The following EFCAB6 variants were observed in gnomAD, a reference collection of about 807,000 sequenced individuals.
EFCAB6 encodes the protein EF-hand calcium-binding domain-containing protein 6.
A neutral mutation model predicts 169.8 loss-of-function variants in EFCAB6; 156 were observed. That is an observed-to-expected ratio of 0.92 (90% CI 0.81 to 1.05). The LOEUF is 1.05. EFCAB6 is among the 50% of genes least tolerant of loss of function. The pLI, the probability that EFCAB6 is intolerant of heterozygous loss-of-function variation, is 0.00. For synonymous variants in EFCAB6, 698 were observed against 676.4 expected (o/e 1.03, Z -0.50); for missense variants, 1,800 against 1,829.1 (o/e 0.98, Z 0.29).
chr22:43,795,503 C>T lies in EFCAB6; in HGVS notation c.-7-13178G>A, dbSNP rs547209217. ...CGGCCCCATGGGTCCCTCGGCCCTG[C>T]TCCACCCCAGCCGATTCCTCTGCCT... On this transcript the variant is annotated intron_variant, in intron 2 of 31. Transcript: ENST00000262726. This position sits in a 1 kb window ranked among gnomAD's most constrained non-coding sequence, Gnocchi z 4.2. Among the ~76,000 whole-genome samples, 1 of 152,222 alleles carries T rather than the reference C, an allele frequency of 6.6e-6. No individual in the cohort carries two copies. The highest frequency in any genetic ancestry group is 2.4e-5 in the African/African-American group (1 of 41,530).
intron 27 of EFCAB6, among the ~76,000 whole-genome samples, chr22:43,550,357 G>C (rs2048310628): frequency 6.6e-6 from 1 of 152,146 alleles, no homozygotes; most frequent in Non-Finnish European, 1.5e-5. Flanking sequence ...AGGGGTGTCT[G>C]TTTTAGAAAT....
chr22:43,612,879 G>A (rs1000642579), intron 21 of EFCAB6, among the ~76,000 whole-genome samples: 1 of 149,808 alleles, frequency 6.7e-6, no homozygotes, highest in Non-Finnish European at 1.5e-5. Context: ...GGCAGACAGA[G>A]TGAGACTCCA....
At chr22:43,565,921 T>C (rs2049391699) in intron 26 of EFCAB6, among the ~76,000 whole-genome samples, 1 of 152,040 alleles carries the variant, frequency 6.6e-6, no homozygotes, top group African/African-American at 2.4e-5. Flanking sequence ...ATATTTTGAT[T>C]AGCAAAGAAA....
At chr22:43,726,423 A>G (rs1463774393) in intron 8 of EFCAB6, among the ~76,000 whole-genome samples, 1 of 152,228 alleles carries the variant, frequency 6.6e-6, no homozygotes, top group African/African-American at 2.4e-5. Context: ...TGGGCAAAAT[A>G]TAAACAGAAA....
chr22:43,561,243 G>C (rs1347669431), intron 26 of EFCAB6, among the ~76,000 whole-genome samples: 1 of 151,894 alleles, frequency 6.6e-6, no homozygotes, highest in Non-Finnish European at 1.5e-5. Flanking sequence ...TGTAGTCCCA[G>C]CTACTCAGGG....
intron 4 of EFCAB6, 75 bp downstream of exon 4, chr22:43,772,817 G>A: frequency 6.5e-7 from 1 of 1,533,618 alleles, no homozygotes; most frequent in Non-Finnish European, 8.9e-7. Context: ...AAAGACAGGA[G>A]AGGTTACCTG....
intron 9 of EFCAB6, among the ~76,000 whole-genome samples, chr22:43,714,023 C>A (rs1017555084): frequency 1.3e-5 from 2 of 151,922 alleles, no homozygotes; most frequent in African/African-American, 4.8e-5. Flanking sequence ...ATTAGAAAAT[C>A]AATTAATTGA....
At chr22:43,580,163 C>T (rs2050626588) in intron 25 of EFCAB6, among the ~76,000 whole-genome samples, 1 of 152,276 alleles carries the variant, frequency 6.6e-6, no homozygotes, top group South Asian at 2.1e-4. Context: ...GCGTTGAGAG[C>T]TCCCAGGATG....
At chr22:43,689,766 T>C (rs2058337966) in intron 10 of EFCAB6, among the ~76,000 whole-genome samples, 1 of 152,224 alleles carries the variant, frequency 6.6e-6, no homozygotes, top group Non-Finnish European at 1.5e-5. Flanking sequence ...GCTGCCATCA[T>C]GCCACCTCTA....
chr22:43,790,216 A>G (rs2062233963), intron 2 of EFCAB6, among the ~76,000 whole-genome samples: 1 of 152,174 alleles, frequency 6.6e-6, no homozygotes, highest in South Asian at 2.1e-4. Context: ...CATGGCTTAT[A>G]CCATAAGAGC....
rs548970184 is a variant in EFCAB6, at chr22:43,683,821, T to C, written c.1177A>G (p.Ile393Val). The C allele has an allele frequency of 1.9e-6, 3 of 1,613,516 alleles. No homozygotes were observed. Among genetic ancestry groups the C allele is most frequent in the African/African-American group, 2.7e-5 (2 of 75,036 alleles). ...NSRNESHKEN[I>V]ITKLFRHTED... ...GTGTGTCTAAATAACTTTGTGATGA[T>C]GTTTTCCTTGTGAGATTCATTTCTA... Residue 393 changes from isoleucine to valine, a missense_variant, in exon 12 of 32, where the codon ATC becomes GTC. Coordinates refer to ENST00000262726, the MANE Select transcript of EFCAB6 (RefSeq NM_022785.4).
At chr22:43,769,599 ATTT>A (rs1252762769) in intron 4 of EFCAB6, among the ~76,000 whole-genome samples, 1 of 151,630 alleles carries the variant, frequency 6.6e-6, no homozygotes. Context: ...TAAAGGGGAA[ATTT>A]TTTTTTAAGG....
chr22:43,796,095 G>T (rs1386812671), intron 2 of EFCAB6, among the ~76,000 whole-genome samples: 2 of 151,854 alleles, frequency 1.3e-5, no homozygotes, highest in Non-Finnish European at 2.9e-5. Context: ...TTCTACTCCT[G>T]TATTTTATTG....
chr22:43,752,472 G>A (rs772190532), intron 6 of EFCAB6, among the ~76,000 whole-genome samples: 16 of 152,088 alleles, frequency 1.1e-4, no homozygotes, highest in Non-Finnish European at 2.1e-4. Context: ...TCAGACATCC[G>A]CCCTTCTTGG....
intron 9 of EFCAB6, 103 bp from the exon 10 acceptor site, chr22:43,711,726 CA>C: frequency 5.1e-6 from 7 of 1,382,950 alleles, no homozygotes; most frequent in South Asian, 3.0e-5. Flanking sequence ...TTTTTCTCTC[CA>C]AAAACTGATC....
At chr22:43,807,109 A>G (rs2062950353) in intron 2 of EFCAB6, among the ~76,000 whole-genome samples, 1 of 152,196 alleles carries the variant, frequency 6.6e-6, no homozygotes, top group African/African-American at 2.4e-5. Context: ...TACACTCAAC[A>G]TGGCATAGCA....
chr22:43,576,774 C>T (rs890741288), intron 25 of EFCAB6, among the ~76,000 whole-genome samples: 10 of 152,176 alleles, frequency 6.6e-5, no homozygotes, highest in Non-Finnish European at 1.0e-4. Context: ...CCCAAGCACC[C>T]GTAACCTTCC....
chr22:43,763,163 C>T (rs867982031), intron 5 of EFCAB6, among the ~76,000 whole-genome samples: 2 of 152,020 alleles, frequency 1.3e-5, no homozygotes, highest in African/African-American at 2.4e-5. Flanking sequence ...CTCAGCCTCC[C>T]GAGTCGCTGG....
At chr22:43,580,920 A>C (rs1396515382) in intron 24 of EFCAB6, among the ~76,000 whole-genome samples, 1 of 152,226 alleles carries the variant, frequency 6.6e-6, no homozygotes, top group Non-Finnish European at 1.5e-5. Flanking sequence ...GCCCGACCTG[A>C]AGACCTGAGG....
Sources: gnomAD v4.1 joint callset for allele counts (sites outside exome capture counted in the v4.1 genomes callset) on GRCh38, gnomAD v4.1.1 for gene constraint, Gnocchi (gnomAD v3.1) non-coding constraint, MANE v1.5 for transcripts, NCBI Gene and HGNC (gene_info 2026-07-23, HGNC 2026-07-21) for gene names.